MAPKAP1: variants seen among roughly 807,000 people sequenced by gnomAD.
MAPKAP1 encodes the protein MAPK associated protein 1, also known as target of rapamycin complex 2 subunit MAPKAP1.
Under a neutral mutation model 65.7 loss-of-function variants are expected in MAPKAP1, and 20 were observed. The ratio of observed to expected loss-of-function variants is 0.30; its 90% CI spans 0.21 to 0.44. The LOEUF (loss-of-function observed/expected upper bound fraction) is 0.44, where lower values mean the gene tolerates loss of function less well. MAPKAP1 is among the 20% of genes least tolerant of loss of function. The pLI, the probability that MAPKAP1 is intolerant of heterozygous loss-of-function variation, is 1.00. For synonymous variants in MAPKAP1, 222 were observed against 244.3 expected (o/e 0.91, Z 0.85); for missense variants, 423 against 648.0 (o/e 0.65, Z 3.77).
chr9:125,584,875 A>G (rs775811884), intron 5 of MAPKAP1, among the ~76,000 whole-genome samples: 1 of 152,244 alleles, frequency 6.6e-6, no homozygotes, highest in Non-Finnish European at 1.5e-5. Context: ...TAAAGTTCAA[A>G]TTATAATGCC....
chr9:125,679,800 TC>T (rs1834767199), intron 1 of MAPKAP1, among the ~76,000 whole-genome samples: 1 of 152,178 alleles, frequency 6.6e-6, no homozygotes, highest in Admixed American at 6.5e-5. Context: ...AAATTCCCCT[TC>T]CTGGACTTTC....
chr9:125,487,978 T>C (rs1233935252), intron 8 of MAPKAP1, among the ~76,000 whole-genome samples: 1 of 152,200 alleles, frequency 6.6e-6, no homozygotes, highest in Non-Finnish European at 1.5e-5. Context: ...AATGGGCAGA[T>C]GAGATGATAG....
chr9:125,550,621 T>C (rs1037788092), intron 6 of MAPKAP1, among the ~76,000 whole-genome samples: 2 of 152,232 alleles, frequency 1.3e-5, no homozygotes, highest in Non-Finnish European at 2.9e-5. Flanking sequence ...ATGCTTTCCA[T>C]CTTTATCACT....
intron 7 of MAPKAP1, among the ~76,000 whole-genome samples, chr9:125,525,795 G>C (rs1422895949): frequency 6.6e-6 from 1 of 152,054 alleles, no homozygotes; most frequent in Non-Finnish European, 1.5e-5. Context: ...CCACAGTTAA[G>C]GCTATCAACC....
chr9:125,559,571 A>T (rs530937704), intron 6 of MAPKAP1, 62 bp downstream of exon 6: 2 of 1,498,284 alleles, frequency 1.3e-6, no homozygotes, highest in African/African-American at 2.8e-5. Flanking sequence ...AACCAAAATC[A>T]GATCCAAAAT....
chr9:125,613,923 C>A (rs918568415), intron 4 of MAPKAP1, among the ~76,000 whole-genome samples: 1 of 152,018 alleles, frequency 6.6e-6, no homozygotes, highest in East Asian at 1.9e-4. Flanking sequence ...TCATCCTCCC[C>A]AGTAGCTGGG....
intron 8 of MAPKAP1, among the ~76,000 whole-genome samples, chr9:125,491,593 A>G (rs372948422): frequency 1.3e-5 from 2 of 152,112 alleles, no homozygotes; most frequent in African/African-American, 4.8e-5. Flanking sequence ...CCTGGGCAAC[A>G]TGGCAAAACC....
At chr9:125,615,538 CAAAAAAAA>C (rs58426049) in intron 4 of MAPKAP1, among the ~76,000 whole-genome samples, 3 of 110,750 alleles carry the variant, frequency 2.7e-5, no homozygotes, top group African/African-American at 3.9e-5. Context: ...ACTAAAAATA[CAAAAAAAA>C]AAAAAAAAAA....
intron 5 of MAPKAP1, among the ~76,000 whole-genome samples, chr9:125,561,970 T>C (rs1830906928): frequency 6.6e-6 from 1 of 152,222 alleles, no homozygotes; most frequent in African/African-American, 2.4e-5. Flanking sequence ...ATGTCCACTG[T>C]GTTCCAACCT....
At chr9:125,448,470 T>C in intron 10 of MAPKAP1, among the ~76,000 whole-genome samples, 1 of 152,140 alleles carries the variant, frequency 6.6e-6, no homozygotes, top group Non-Finnish European at 1.5e-5. Context: ...AAAGAACACC[T>C]GTTATCAGAT....
At chr9:125,593,588 G>A (rs1832035818) in intron 4 of MAPKAP1, among the ~76,000 whole-genome samples, 1 of 152,064 alleles carries the variant, frequency 6.6e-6, no homozygotes, top group Non-Finnish European at 1.5e-5. Flanking sequence ...CTTGAACCCG[G>A]GAGGCAGAGG....
At chr9:125,700,666 T>A (rs543080117) in intron 1 of MAPKAP1, among the ~76,000 whole-genome samples, 7 of 152,372 alleles carry the variant, frequency 4.6e-5, no homozygotes, top group African/African-American at 1.7e-4. Context: ...ATATCTAGAC[T>A]GCTGCCAACT....
In MAPKAP1 at chr9:125,538,156, T is replaced by C. The variant is rs144411348; in HGVS notation, c.958+4903A>G. Among the ~76,000 whole-genome samples the C allele has an allele frequency of 1.7e-4, 26 of 152,330 alleles. No homozygotes were observed. The East Asian group carries it at 4.4e-3, about 26-fold the overall frequency. On this transcript the variant is annotated intron_variant, in intron 7 of 11. Transcript: ENST00000265960. ...TAATTCTATACAGAACTGAAAGTCATTGAAGAGTTCGGAGCAGATATGCTC... is the reference window on the plus strand; with the variant it reads ...TAATTCTATACAGAACTGAAAGTCACTGAAGAGTTCGGAGCAGATATGCTC...
intron 11 of MAPKAP1, among the ~76,000 whole-genome samples, chr9:125,442,481 G>A (rs1852526379): frequency 6.6e-6 from 1 of 151,256 alleles, no homozygotes; most frequent in Admixed American, 6.6e-5. Flanking sequence ...GTCAAACATG[G>A]GATTATAATT....
rs1198335300 is a variant in MAPKAP1 at position 125,669,888 on chromosome 9, G to C, written c.279C>G (p.Leu93=). The change falls in exon 3 of 12, where the codon CTC becomes CTG. Residue 93 remains leucine (L), a synonymous_variant. Coordinates refer to ENST00000265960, the MANE Select transcript of MAPKAP1 (RefSeq NM_001006617.3). ...RSNTAQRLER[L]RKERQNQIKC... is the part of the protein sequence containing the mutation. ...TGATCTGGTTTTGTCTCTCTTTTCG[G>C]AGTCGTTCTAATCTTTGAGCTTGAA... The C allele has an allele frequency of 6.3e-7, 1 of 1,594,574 alleles. No individual in the cohort carries two copies. Among genetic ancestry groups the C allele is most frequent in the Non-Finnish European group, 8.6e-7 (1 of 1,168,586 alleles).
chr9:125,462,237 G>A (rs1242847826), intron 10 of MAPKAP1, among the ~76,000 whole-genome samples: 1 of 152,224 alleles, frequency 6.6e-6, no homozygotes, highest in African/African-American at 2.4e-5. Flanking sequence ...TCAGTAACAA[G>A]CATGAATCCT....
intron 4 of MAPKAP1, among the ~76,000 whole-genome samples, chr9:125,612,372 G>A (rs966054993): frequency 2.0e-5 from 3 of 151,980 alleles, no homozygotes; most frequent in African/African-American, 7.3e-5. Context: ...TCAAATAACT[G>A]GTAGTGTCAC....
intron 4 of MAPKAP1, among the ~76,000 whole-genome samples, chr9:125,651,587 AAG>A (rs934102487): frequency 2.0e-5 from 3 of 152,130 alleles, no homozygotes; most frequent in Non-Finnish European, 4.4e-5. Flanking sequence ...GCCTGGGCAA[AAG>A]AGAGAGACTC....
At chr9:125,698,285 AT>A (rs1159429492) in intron 1 of MAPKAP1, among the ~76,000 whole-genome samples, 10 of 25,820 alleles carry the variant, frequency 3.9e-4, no homozygotes, top group African/African-American at 2.7e-3. Context: ...CATAATATAT[AT>A]AAATATATAT....
Sources: allele counts gnomAD v4.1 joint callset (sites outside exome capture counted in the v4.1 genomes callset), GRCh38; gene constraint gnomAD v4.1.1; transcripts MANE v1.5; gene names NCBI Gene and HGNC (gene_info 2026-07-23, HGNC 2026-07-21).